Variants in PIK3R6 observed in about 807,000 individuals in gnomAD.
The protein encoded by PIK3R6 is phosphoinositide-3-kinase regulatory subunit 6, also known as phosphoinositide 3-kinase regulatory subunit 6.
A neutral mutation model predicts 84.9 loss-of-function variants in PIK3R6; 91 were observed. The ratio of observed to expected loss-of-function variants is 1.07; its 90% CI spans 0.90 to 1.28. PIK3R6 has a LOEUF of 1.28. Ranked by LOEUF, PIK3R6 falls within the 50% of genes most tolerant of loss-of-function variation. The pLI is 0.00. For missense variants in PIK3R6, 996 were observed against 985.1 expected, an observed-to-expected ratio of 1.01 and a Z score of -0.15; for synonymous variants, 416 against 411.4, an observed-to-expected ratio of 1.01 and a Z score of -0.13.
intron 7 of PIK3R6, 97 bp from the exon 8 acceptor site, chr17:8,835,553 G>C (rs1242587634): frequency 9.5e-7 from 1 of 1,048,778 alleles, no homozygotes; most frequent in Non-Finnish European, 1.3e-6. Context: ...GCACCTCCAA[G>C]TAATTTAATT....
intron 1 of PIK3R6, among the ~76,000 whole-genome samples, chr17:8,861,086 G>A (rs1004318076): frequency 6.6e-6 from 1 of 151,650 alleles, no homozygotes; most frequent in South Asian, 2.1e-4. Context: ...GGAGGCTGAG[G>A]CAGGAGAATT....
In PIK3R6 at chr17:8,823,404, G is replaced by A. The variant is rs1365659399; in HGVS notation, c.1609C>T (p.Gln537Ter). ...ATGCTTACCTTGACTGTGTAGATCTGGAAATAGATGGGTTGGGTGCCCATG... is the reference window on the plus strand; with the variant it reads ...ATGCTTACCTTGACTGTGTAGATCTAGAAATAGATGGGTTGGGTGCCCATG... ...IRMGTQPIYFQIYTVKIFFSD... is the reference protein window; with the variant it reads ...IRMGTQPIYF The change falls in exon 14 of 20, where the codon CAG becomes TAG. Residue 537 changes from glutamine to a stop codon, truncating the protein, a stop_gained. Transcript: ENST00000619866. LOFTEE classifies it high-confidence loss of function. The A allele has an allele frequency of 6.7e-7, 1 of 1,498,876 alleles. No homozygotes were observed. Among genetic ancestry groups the A allele is most frequent in the Non-Finnish European group, 8.9e-7 (1 of 1,119,396 alleles). 92.8% of individuals were successfully genotyped at this position (1,498,876 alleles called of 1,614,324 possible).
chr17:8,851,273 A>G (rs1269810686), intron 1 of PIK3R6, among the ~76,000 whole-genome samples: 1 of 152,066 alleles, frequency 6.6e-6, no homozygotes, highest in Non-Finnish European at 1.5e-5. Flanking sequence ...CGAGGCGGGC[A>G]GATCACGAGG....
Position 8,858,547 on chromosome 17 carries a change from C to A in PIK3R6, c.-91-8662G>T, listed in dbSNP as rs192502253. Among the ~76,000 whole-genome samples the A allele has an allele frequency of 2.0e-3, 297 of 152,184 alleles. 1 individual carries two copies. Among genetic ancestry groups the A allele is most frequent in the Middle Eastern group, 6.8e-3 (2 of 294 alleles). On this transcript the variant is annotated intron_variant, in intron 1 of 19. Transcript: ENST00000619866. Reference sequence around the variant, plus strand: ...AGCCAGGCTGGTCTCGAACTCCTGACCTCAGGTGATCCACCCACCTCGGCC... The same window carrying A: ...AGCCAGGCTGGTCTCGAACTCCTGAACTCAGGTGATCCACCCACCTCGGCC...
At chr17:8,837,661 C>T (rs2088524684) in intron 5 of PIK3R6, 142 bp downstream of exon 5, 2 of 684,224 alleles carry the variant, frequency 2.9e-6, no homozygotes, top group South Asian at 3.6e-5. Context: ...GTGGCTAGTG[C>T]TCAGAAGCCA....
chr17:8,851,595 T>G (rs2088972849), intron 1 of PIK3R6, among the ~76,000 whole-genome samples: 1 of 152,236 alleles, frequency 6.6e-6, no homozygotes, highest in Admixed American at 6.5e-5. Flanking sequence ...GGAGTCCCCC[T>G]GCTTTCCAGT....
intron 9 of PIK3R6, among the ~76,000 whole-genome samples, chr17:8,830,375 TG>T (rs1278836672): frequency 1.3e-5 from 2 of 152,208 alleles, no homozygotes; most frequent in African/African-American, 4.8e-5. Flanking sequence ...ACCACTCCAG[TG>T]GCCCGCGGTG....
chr17:8,811,980 G>A (rs1016725445), intron 18 of PIK3R6, among the ~76,000 whole-genome samples: 1 of 151,564 alleles, frequency 6.6e-6, no homozygotes, highest in African/African-American at 2.4e-5. Flanking sequence ...CTGAGACTGG[G>A]AAATTTACAA....
Position 8,828,831 on chromosome 17 carries a change from GC to G in PIK3R6, c.1048del (p.Ala350LeufsTer33). On this transcript the variant is annotated frameshift_variant, in exon 11 of 20. Transcript: ENST00000619866. LOFTEE classifies it high-confidence loss of function. The stretch of plus-strand genomic sequence containing the variant: ...GCTGCCGGGTGCAGGCAGCTCATCA[GC>G]CCCCGTGGGAAGGTCCCGCTCAATG... The part of the protein sequence containing the change: ...SGIERDLPTG[A>X]DELPAPGSPE... The G allele has an allele frequency of 1.3e-6, 2 of 1,594,896 alleles. No homozygotes were observed. The highest frequency in any genetic ancestry group is 1.3e-5 in the African/African-American group (1 of 74,416).
chr17:8,803,037 T>G lies in PIK3R6; in HGVS notation c.*236A>C. On this transcript the variant is annotated 3_prime_UTR_variant, in exon 20 of 20. Coordinates refer to ENST00000619866, the MANE Select transcript of PIK3R6 (RefSeq NM_001010855.4). The surrounding 1 kb of genome is among the most constrained non-coding windows in gnomAD (Gnocchi z 5.0). ...AGACATTTGTATGAGAAGCTGGGCT[T>G]GGTGTGTATGTTCTCAAGCAGCGAC... 1.9e-6 allele frequency: 1 copy of G among 529,554 alleles called. No individual in the cohort carries two copies. Among genetic ancestry groups the G allele is most frequent in the South Asian group, 2.2e-5 (1 of 45,256 alleles). 32.8% of individuals were successfully genotyped at this position (529,554 alleles called of 1,614,324 possible).
intron 2 of PIK3R6, among the ~76,000 whole-genome samples, chr17:8,846,343 T>C (rs764102598): frequency 3.3e-5 from 5 of 152,240 alleles, no homozygotes; most frequent in Non-Finnish European, 5.9e-5. Context: ...ACTAGTACCA[T>C]GCTGTTTTTG....
chr17:8,803,899 C>T lies in PIK3R6; in HGVS notation c.2108+142G>A, dbSNP rs1465100972. The T allele has an allele frequency of 8.4e-6, 6 of 713,030 alleles. No homozygotes were observed. The East Asian group carries it at 1.4e-4, about 16-fold the overall frequency. 44.2% of individuals were successfully genotyped at this position (713,030 alleles called of 1,614,324 possible). A position where few individuals can be genotyped will look rare whatever the true frequency, so the allele number is the denominator to read the frequency against. On this transcript the variant is annotated intron_variant, in intron 19 of 19. Transcript: ENST00000619866. This position sits in a 1 kb window ranked among gnomAD's most constrained non-coding sequence, Gnocchi z 5.0. The stretch of plus-strand genomic sequence containing the variant: ...CATAGGGCAGTGGCCTCTGTCCATC[C>T]TCACCAAGGTTACCTGCCTGGCCAC...
rs562251736 is a variant in PIK3R6, at chr17:8,828,901, C to G, written c.979G>C (p.Asp327His). The change falls in exon 11 of 20, where the codon GAC becomes CAC. Residue 327 changes from aspartate (D) to histidine (H), a missense_variant. By Grantham distance (81) the Asp-to-His change is moderately conservative. Transcript: ENST00000619866. ...EVLDLQGLRPDRELARVSVLS... is the reference protein window; with the variant it reads ...EVLDLQGLRPHRELARVSVLS... ...ACAGAAACCCGGGCCAACTCCCGGTCCGGCCGGAGGCCCTGCAGATCCAAG... is the reference window on the plus strand; with the variant it reads ...ACAGAAACCCGGGCCAACTCCCGGTGCGGCCGGAGGCCCTGCAGATCCAAG... 1 of 1,560,056 alleles carries G rather than the reference C, an allele frequency of 6.4e-7. No homozygotes were observed. The highest frequency in any genetic ancestry group is 1.4e-5 in the African/African-American group (1 of 73,150).
intron 7 of PIK3R6, 95 bp downstream of exon 7, chr17:8,836,452 C>T (rs917252771): frequency 2.2e-6 from 3 of 1,366,022 alleles, no homozygotes; most frequent in Non-Finnish European, 3.1e-6. Flanking sequence ...TCTTCTTAAT[C>T]CAGCCTCCTC....
At chr17:8,855,502 C>A (rs1180449078) in intron 1 of PIK3R6, among the ~76,000 whole-genome samples, 1 of 152,080 alleles carries the variant, frequency 6.6e-6, no homozygotes, top group Non-Finnish European at 1.5e-5. Context: ...CAGATGAAAA[C>A]CATGAGATCT....
intron 2 of PIK3R6, among the ~76,000 whole-genome samples, chr17:8,846,872 T>C (rs746452137): frequency 9.9e-5 from 15 of 152,164 alleles, no homozygotes; most frequent in Middle Eastern, 3.2e-3. Flanking sequence ...GCCAATGGAA[T>C]GTGGTGGAAG....
At chr17:8,810,272 C>T (rs2087321961) in intron 18 of PIK3R6, among the ~76,000 whole-genome samples, 1 of 147,670 alleles carries the variant, frequency 6.8e-6, no homozygotes, top group Non-Finnish European at 1.5e-5. Flanking sequence ...CCCACTATCA[C>T]GAGAACAGCA....
chr17:8,820,772 C>A (rs372374183), intron 17 of PIK3R6, among the ~76,000 whole-genome samples: 4 of 152,266 alleles, frequency 2.6e-5, no homozygotes, highest in African/African-American at 9.6e-5. Context: ...AACACAAATG[C>A]ATTATTGTCA....
intron 17 of PIK3R6, among the ~76,000 whole-genome samples, chr17:8,819,671 CATATAT>C (rs148918327): frequency 1.5e-5 from 2 of 133,664 alleles, no homozygotes; most frequent in Non-Finnish European, 1.6e-5. Flanking sequence ...TTTTTTTGTG[CATATAT>C]ATATATATAT....
Sources: allele counts gnomAD v4.1 joint callset (sites outside exome capture counted in the v4.1 genomes callset), GRCh38; gene constraint gnomAD v4.1.1; non-coding constraint Gnocchi (gnomAD v3.1); transcripts MANE v1.5; gene names NCBI Gene and HGNC (gene_info 2026-07-23, HGNC 2026-07-21).